ELP4: variants seen among roughly 807,000 people sequenced by gnomAD.
ELP4 encodes the protein elongator acetyltransferase complex subunit 4.
ELP4 carries 51 observed loss-of-function variants against 48.9 expected under a neutral mutation model. The observed-to-expected ratio is 1.04, with a 90% CI of 0.83 to 1.32. The LOEUF (loss-of-function observed/expected upper bound fraction) is 1.32. ELP4 is among the 40% of genes most tolerant of loss of function. The pLI is 0.00. For synonymous variants in ELP4, 210 were observed against 189.2 expected (o/e 1.11, Z -0.90); for missense variants, 519 against 514.6 (o/e 1.01, Z -0.08).
rs371952696 is a variant in ELP4, at chr11:31,784,642, AT to A, written c.*1123del. ...ATATTTTGAAGCAGTTATAACTAGC[AT>A]TTTTAAGCAGCTTGCTTTTAATATA... On this transcript the variant is annotated 3_prime_UTR_variant, in exon 10 of 10. Coordinates refer to ENST00000640961, the MANE Select transcript of ELP4 (RefSeq NM_019040.5). The A allele has an allele frequency of 2.3e-3, 356 of 155,160 alleles. 3 individuals are homozygous for A. The highest frequency in any genetic ancestry group is 8.2e-3 in the African/African-American group (342 of 41,692). The allele number at this position is 155,160 out of a possible 1,614,324, so 9.6% of individuals were successfully genotyped here. A position where few individuals can be genotyped will look rare whatever the true frequency, so the allele number is the denominator to read the frequency against.
chr11:31,721,501 A>G (rs1370434130), intron 9 of ELP4, among the ~76,000 whole-genome samples: 3 of 151,542 alleles, frequency 2.0e-5, no homozygotes, highest in Non-Finnish European at 4.4e-5. Context: ...TTTTTTTAAT[A>G]TCCTTTCTAA....
At chr11:31,632,123 C>G (rs1487655330) in intron 6 of ELP4, 94 bp from the exon 7 acceptor site, 2 of 1,007,546 alleles carry the variant, frequency 2.0e-6, no homozygotes, top group East Asian at 5.2e-5. Context: ...ACATTGTCTC[C>G]CTGATGTTAT....
At chr11:31,763,379 C>A in intron 9 of ELP4, 1 of 1,553,244 alleles carries the variant, frequency 6.4e-7, no homozygotes, top group Non-Finnish European at 8.7e-7. Flanking sequence ...TTACTGTTGA[C>A]TAACAAGTTG....
At chr11:31,594,708 G>T in intron 3 of ELP4, 62 bp from the exon 4 acceptor site, 2 of 1,248,188 alleles carry the variant, frequency 1.6e-6, no homozygotes, top group South Asian at 1.9e-5. Flanking sequence ...TAATATTATG[G>T]TTTAAGAAAA....
intron 9 of ELP4, chr11:31,651,579 C>G (rs1393184769): frequency 1.3e-5 from 2 of 151,790 alleles, no homozygotes; most frequent in African/African-American, 4.8e-5. Flanking sequence ...GCTTTTCTGA[C>G]AGAATACTGA....
At chr11:31,774,482 G>A (rs1222050022) in intron 9 of ELP4, among the ~76,000 whole-genome samples, 4 of 152,156 alleles carry the variant, frequency 2.6e-5, no homozygotes, top group African/African-American at 7.2e-5. Flanking sequence ...TTAGCTTGTG[G>A]GCTGCAGGTA....
chr11:31,588,098 T>C lies in ELP4; in HGVS notation c.382-6672T>C, dbSNP rs979682108. 5.3e-5 allele frequency among the ~76,000 whole-genome samples: 8 copies of C among 152,302 alleles called. No individual in the cohort carries two copies. The East Asian group carries it at 1.5e-3, about 29-fold the overall frequency. On this transcript the variant is annotated intron_variant, in intron 3 of 9. Transcript: ENST00000640961. ...GATTTTTAAAAATTTGCATAAACTA[T>C]CATATTGTTTATGTTATACTCCACA...
At chr11:31,688,902 CT>C (rs1946217130) in intron 9 of ELP4, among the ~76,000 whole-genome samples, 1 of 152,038 alleles carries the variant, frequency 6.6e-6, no homozygotes, top group Non-Finnish European at 1.5e-5. Context: ...GTTTGCAGCT[CT>C]TATCATTGGG....
At chr11:31,557,439 C>T (rs1213761255) in intron 3 of ELP4, among the ~76,000 whole-genome samples, 1 of 151,724 alleles carries the variant, frequency 6.6e-6, no homozygotes, top group Non-Finnish European at 1.5e-5. Context: ...TTTTCTTTTC[C>T]TTCTGTCATT....
intron 3 of ELP4, among the ~76,000 whole-genome samples, chr11:31,557,572 A>T (rs1014987511): frequency 6.6e-6 from 1 of 152,064 alleles, no homozygotes; most frequent in Non-Finnish European, 1.5e-5. Context: ...ATTGTAGTAT[A>T]GTTTGGTCTT....
chr11:31,684,395 T>C (rs1592221054), intron 9 of ELP4, among the ~76,000 whole-genome samples: 1 of 152,048 alleles, frequency 6.6e-6, no homozygotes, highest in African/African-American at 2.4e-5. Context: ...TTACTAGAGA[T>C]GGGGTTTCAC....
chr11:31,698,340 A>G (rs896697823), intron 9 of ELP4, among the ~76,000 whole-genome samples: 1 of 152,084 alleles, frequency 6.6e-6, no homozygotes, highest in Non-Finnish European at 1.5e-5. Context: ...ATCTTTTTGT[A>G]CTTTAATATT....
At position 31,775,791 on chromosome 11, in the gene ELP4, C is replaced by G. The variant is rs555860982; in HGVS notation, c.1144-7602C>G. On this transcript the variant is annotated intron_variant, in intron 9 of 9. Transcript: ENST00000640961. ...ACCAGCCTGACCAACATGGCAAAAT[C>G]CCGTCTCTACTAAAAATGCAAAAAT... Among the ~76,000 whole-genome samples, 16 of 152,078 alleles carry G rather than the reference C, an allele frequency of 1.1e-4. No individual in the cohort carries two copies. In the East Asian group the frequency reaches 3.1e-3, roughly 30 times the overall value.
chr11:31,627,046 A>G (rs952381964), intron 5 of ELP4, 64 bp from the exon 6 acceptor site: 37 of 874,854 alleles, frequency 4.2e-5, no homozygotes, highest in Non-Finnish European at 6.1e-5. Context: ...ATGTTTTATC[A>G]TAGATTGTGT....
At chr11:31,708,797 T>TA (rs1399739413) in intron 9 of ELP4, among the ~76,000 whole-genome samples, 1 of 152,154 alleles carries the variant, frequency 6.6e-6, no homozygotes, top group East Asian at 1.9e-4. Context: ...AATATATATA[T>TA]TTTTAAGCTG....
At chr11:31,570,291 G>A (rs936960967) in intron 3 of ELP4, among the ~76,000 whole-genome samples, 2 of 151,970 alleles carry the variant, frequency 1.3e-5, no homozygotes, top group African/African-American at 4.8e-5. Flanking sequence ...TTTATAAGTA[G>A]GAGCAAAACA....
At chr11:31,548,518 C>T (rs1390331582) in intron 3 of ELP4, among the ~76,000 whole-genome samples, 1 of 152,152 alleles carries the variant, frequency 6.6e-6, no homozygotes, top group Non-Finnish European at 1.5e-5. Flanking sequence ...ATTCCATGCT[C>T]ATGGGTAGGA....
chr11:31,577,008 G>A (rs1383621705), intron 3 of ELP4, among the ~76,000 whole-genome samples: 1 of 152,060 alleles, frequency 6.6e-6, no homozygotes, highest in Non-Finnish European at 1.5e-5. Flanking sequence ...CCAGGAGCTG[G>A]TTTTTTGAAA....
chr11:31,664,429 T>C (rs1299750269), intron 9 of ELP4: 1 of 152,190 alleles, frequency 6.6e-6, no homozygotes. Flanking sequence ...GGACATTCTT[T>C]TTGTGGATAT....
Sources: gnomAD v4.1 joint callset for allele counts (sites outside exome capture counted in the v4.1 genomes callset) on GRCh38, gnomAD v4.1.1 for gene constraint, MANE v1.5 for transcripts, NCBI Gene and HGNC (gene_info 2026-07-23, HGNC 2026-07-21) for gene names.